The following GNA14 variants were observed in gnomAD, a reference collection of about 807,000 sequenced individuals.
GNA14 encodes G protein subunit alpha 14.
A neutral mutation model predicts 42.0 loss-of-function variants in GNA14; 50 were observed. That is an observed-to-expected ratio of 1.19 (90% CI 0.95 to 1.51). GNA14 has a LOEUF of 1.51. Among genes scored for constraint, GNA14 ranks in the 40% most tolerant of loss-of-function variants. GNA14 has a pLI of 0.00. For missense variants in GNA14, 473 were observed against 446.2 expected (o/e 1.06, Z -0.54); for synonymous variants, 173 against 163.1 (o/e 1.06, Z -0.46).
At chr9:77,482,660 G>C (rs1836576968) in intron 2 of GNA14, among the ~76,000 whole-genome samples, 1 of 152,114 alleles carries the variant, frequency 6.6e-6, no homozygotes, top group Non-Finnish European at 1.5e-5. Context: ...TTTCCAACTT[G>C]GTTCCATTCT....
intron 2 of GNA14, among the ~76,000 whole-genome samples, chr9:77,448,047 T>A (rs1334756228): frequency 6.6e-6 from 1 of 152,214 alleles, no homozygotes; most frequent in Non-Finnish European, 1.5e-5. Context: ...CAGGGTAAAC[T>A]GCAGCTGATG....
chr9:77,573,885 G>A (rs969060728), intron 1 of GNA14, among the ~76,000 whole-genome samples: 1 of 152,012 alleles, frequency 6.6e-6, no homozygotes, highest in African/African-American at 2.4e-5. Flanking sequence ...GAGAGAAGGT[G>A]GCATATAAGG....
At chr9:77,520,384 G>A (rs778943303) in intron 2 of GNA14, among the ~76,000 whole-genome samples, 19 of 152,140 alleles carry the variant, frequency 1.2e-4, no homozygotes, top group South Asian at 2.1e-4. Context: ...CCTTTTTATC[G>A]CCAGAGAACT....
chr9:77,474,371 C>A (rs987466609), intron 2 of GNA14, among the ~76,000 whole-genome samples: 3 of 142,744 alleles, frequency 2.1e-5, no homozygotes, highest in African/African-American at 5.5e-5. Flanking sequence ...AAAGAAGATA[C>A]ACAAATGGCT....
At chr9:77,510,711 G>T (rs1458527078) in intron 2 of GNA14, among the ~76,000 whole-genome samples, 3 of 152,218 alleles carry the variant, frequency 2.0e-5, no homozygotes, top group African/African-American at 7.2e-5. Context: ...GACCCAAGAT[G>T]CCCCTGGGAG....
chr9:77,560,062 C>T (rs1822852749), intron 1 of GNA14, among the ~76,000 whole-genome samples: 3 of 152,120 alleles, frequency 2.0e-5, no homozygotes. Context: ...GAGCTTGCCC[C>T]TAGAAATTTC....
chr9:77,425,665 G>C lies in GNA14; in HGVS notation c.774C>G (p.Pro258=). 6.2e-7 allele frequency: 1 copy of C among 1,609,580 alleles called. No homozygotes were observed. Among genetic ancestry groups the C allele is most frequent in the South Asian group, 1.1e-5 (1 of 90,942 alleles). ...AAATCACAGACGAATTCAGAAACCA[G>C]GGGTAGGTGATGATGGTTTTAAATA... ...KALFKTIITY[P]WFLNSSVILF... The change falls in exon 6 of 7, where the codon CCC becomes CCG. Residue 258 remains proline (P), a synonymous_variant. Coordinates refer to ENST00000341700, the MANE Select transcript of GNA14 (RefSeq NM_004297.4).
intron 2 of GNA14, among the ~76,000 whole-genome samples, chr9:77,520,989 G>C (rs565116608): frequency 2.0e-5 from 3 of 152,178 alleles, no homozygotes; most frequent in Non-Finnish European, 4.4e-5. Flanking sequence ...CAATCAAGAA[G>C]AAAGTTCAGT....
chr9:77,509,780 A>G (rs538917909), intron 2 of GNA14, among the ~76,000 whole-genome samples: 2 of 152,282 alleles, frequency 1.3e-5, no homozygotes, highest in Admixed American at 6.5e-5. Flanking sequence ...AAGTAATGAC[A>G]AAAACGGCAA....
At chr9:77,545,137 G>T (rs959809566) in intron 1 of GNA14, among the ~76,000 whole-genome samples, 2 of 152,212 alleles carry the variant, frequency 1.3e-5, no homozygotes, top group African/African-American at 4.8e-5. Context: ...GCACAAAGAT[G>T]AAGGAACCAT....
chr9:77,423,955 TA>T lies in GNA14; in HGVS notation c.*23del. The T allele has an allele frequency of 1.3e-6, 2 of 1,527,026 alleles. No individual in the cohort carries two copies. The highest frequency in any genetic ancestry group is 1.8e-6 in the Non-Finnish European group (2 of 1,125,124). The allele number at this position is 1,527,026 out of a possible 1,614,324, so 94.6% of individuals were successfully genotyped here. On this transcript the variant is annotated 3_prime_UTR_variant, in exon 7 of 7. Coordinates refer to ENST00000341700, the MANE Select transcript of GNA14 (RefSeq NM_004297.4). ...AGTTTGCAAATCACATCTTCTGTTATAGGGGAGGAGTGGGCAGCAGCTTTTA... is the reference window on the plus strand; with the variant it reads ...AGTTTGCAAATCACATCTTCTGTTATGGGGAGGAGTGGGCAGCAGCTTTTA...
rs1402428108 is a variant in GNA14, at chr9:77,553,833, GGAAAGTAATCACAGTGT to G, written c.125-24597_125-24581del. On this transcript the variant is annotated intron_variant, in intron 1 of 6. Coordinates refer to ENST00000341700, the MANE Select transcript of GNA14 (RefSeq NM_004297.4). ...CAAGTGGCCAAATACCTATGTAATG[GGAAAGTAATCACAGTGT>G]GATCCACAATAACAAAAATGAGAAA... Among the ~76,000 whole-genome samples, 3 of 152,026 alleles carry G rather than the reference GGAAAGTAATCACAGTGT, an allele frequency of 2.0e-5. No individual in the cohort carries two copies. In the East Asian group the frequency reaches 5.8e-4, roughly 29 times the overall value.
chr9:77,476,702 C>T (rs1419246969), intron 2 of GNA14, among the ~76,000 whole-genome samples: 1 of 152,126 alleles, frequency 6.6e-6, no homozygotes, highest in Admixed American at 6.5e-5. Context: ...TGAATTGGAA[C>T]TATTGTGGAG....
At chr9:77,565,155 A>C (rs532867358) in intron 1 of GNA14, among the ~76,000 whole-genome samples, 1 of 152,328 alleles carries the variant, frequency 6.6e-6, no homozygotes, top group South Asian at 2.1e-4. Context: ...AGTACTTGAA[A>C]GTATTTCTTC....
At chr9:77,424,376 C>T (rs1835421715) in intron 6 of GNA14, among the ~76,000 whole-genome samples, 1 of 152,198 alleles carries the variant, frequency 6.6e-6, no homozygotes, top group Admixed American at 6.5e-5. Flanking sequence ...ATGCGTACCA[C>T]CACACACAGC....
At chr9:77,484,632 C>G (rs1019434987) in intron 2 of GNA14, among the ~76,000 whole-genome samples, 5 of 152,056 alleles carry the variant, frequency 3.3e-5, no homozygotes, top group African/African-American at 1.2e-4. Flanking sequence ...GTACAGTTGT[C>G]CCCTTTATCC....
intron 2 of GNA14, among the ~76,000 whole-genome samples, chr9:77,524,149 C>T (rs1191021771): frequency 6.6e-6 from 1 of 152,114 alleles, no homozygotes; most frequent in African/African-American, 2.4e-5. Flanking sequence ...GGTTTATCAA[C>T]AGAGTGAGCA....
intron 2 of GNA14, among the ~76,000 whole-genome samples, chr9:77,442,132 G>A (rs539300082): frequency 7.9e-5 from 12 of 152,316 alleles, no homozygotes; most frequent in Non-Finnish European, 1.3e-4. Context: ...AGAAGTCTGC[G>A]AAGCTAAGGC....
intron 2 of GNA14, among the ~76,000 whole-genome samples, chr9:77,495,943 G>A (rs974702091): frequency 6.6e-6 from 1 of 152,140 alleles, no homozygotes; most frequent in African/African-American, 2.4e-5. Flanking sequence ...AGAGGATAAT[G>A]TTTCATGAGA....
Sources: allele counts gnomAD v4.1 joint callset (sites outside exome capture counted in the v4.1 genomes callset), GRCh38; gene constraint gnomAD v4.1.1; transcripts MANE v1.5; gene names NCBI Gene and HGNC (gene_info 2026-07-23, HGNC 2026-07-21).